Variants in ZFHX3 observed in about 807,000 individuals in gnomAD.
ZFHX3 encodes zinc finger homeobox 3.
Under a neutral mutation model 279.1 loss-of-function variants are expected in ZFHX3, and 42 were observed. That is an observed-to-expected ratio of 0.15 (90% CI 0.12 to 0.19). The LOEUF is 0.19. Ranked by LOEUF, ZFHX3 falls within the 10% of genes least tolerant of loss-of-function variation. The probability of loss-of-function intolerance (pLI) is 1.00; values close to 1 mark genes in which losing one functional copy is unlikely to be tolerated. For missense variants in ZFHX3, 4,981 were observed against 4,754.0 expected (o/e 1.05, Z -1.40); for synonymous variants, 2,293 against 1,957.8 (o/e 1.17, Z -4.52).
chr16:73,736,849 G>A (rs895487445), intron 1 of ZFHX3, among the ~76,000 whole-genome samples: 1 of 152,198 alleles, frequency 6.6e-6, no homozygotes, highest in African/African-American at 2.4e-5. Flanking sequence ...TAGAGGTCTT[G>A]AAGAATAATG....
intron 2 of ZFHX3, among the ~76,000 whole-genome samples, chr16:73,642,720 G>C (rs2052584869): frequency 2.0e-5 from 3 of 152,110 alleles, no homozygotes; most frequent in Admixed American, 2.0e-4. Context: ...AGGTACCCTA[G>C]AACAGTACAG....
At chr16:73,759,734 A>G (rs1359676258) in intron 1 of ZFHX3, among the ~76,000 whole-genome samples, 1 of 152,144 alleles carries the variant, frequency 6.6e-6, no homozygotes, top group Admixed American at 6.5e-5. Flanking sequence ...TTTGGTTTCC[A>G]GTATTATGGG....
At chr16:72,855,048 T>C (rs2037721681) in intron 4 of ZFHX3, among the ~76,000 whole-genome samples, 1 of 151,948 alleles carries the variant, frequency 6.6e-6, no homozygotes, top group African/African-American at 2.4e-5. Context: ...TACGCAGAGA[T>C]AAATACGTTC....
At chr16:73,516,100 C>A (rs909019599) in intron 2 of ZFHX3, among the ~76,000 whole-genome samples, 2 of 152,180 alleles carry the variant, frequency 1.3e-5, no homozygotes, top group East Asian at 1.9e-4. Flanking sequence ...CCCATGGGTT[C>A]TTTTAAGAAT....
chr16:73,270,533 A>T (rs2014113031), intron 4 of ZFHX3, among the ~76,000 whole-genome samples: 1 of 152,174 alleles, frequency 6.6e-6, no homozygotes. Context: ...TAAATATTTG[A>T]TGATTGACTG....
intron 5 of ZFHX3, among the ~76,000 whole-genome samples, chr16:73,185,034 G>C (rs1967880917): frequency 6.6e-6 from 1 of 150,718 alleles, no homozygotes; most frequent in South Asian, 2.1e-4. Flanking sequence ...CTGGAGTGTA[G>C]TGCTATCATC....
rs750881472 is a variant in ZFHX3, at chr16:72,795,191, C to T, written c.7491G>A (p.Ser2497=). 1.6e-5 allele frequency: 26 copies of T among 1,602,524 alleles called. No homozygotes were observed. In the African/African-American group the frequency reaches 2.2e-4, roughly 13 times the overall value. Residue 2497 remains serine (S), a synonymous_variant, in exon 9 of 10, where the codon TCG becomes TCA. Coordinates refer to ENST00000268489, the MANE Select transcript of ZFHX3 (RefSeq NM_006885.4). ...GGGAGAGCTGGGAAGGACTGGGGCT[C>T]GACTGGGGTAAGGGGCACTGTGGAG... The part of the protein sequence containing the change: ...APPPQCPLPQ[S]SPSPSQLSHL...
intron 1 of ZFHX3, among the ~76,000 whole-genome samples, chr16:73,031,529 A>C (rs1028587310): frequency 2.6e-5 from 4 of 152,216 alleles, no homozygotes; most frequent in African/African-American, 4.8e-5. Flanking sequence ...CTCATACAAC[A>C]AATTTCTGCT....
At chr16:73,223,609 G>A (rs1467641648) in intron 5 of ZFHX3, among the ~76,000 whole-genome samples, 3 of 152,190 alleles carry the variant, frequency 2.0e-5, no homozygotes, top group African/African-American at 7.2e-5. Context: ...TGATGGGAAT[G>A]TAAAATTGTG....
chr16:73,005,541 C>T (rs1010926141), intron 1 of ZFHX3: 1 of 149,264 alleles, frequency 6.7e-6, no homozygotes, highest in Non-Finnish European at 1.5e-5. Context: ...CGCCTGTAAT[C>T]CCAGCACTTT....
At chr16:73,613,872 G>A (rs1027966495) in intron 2 of ZFHX3, among the ~76,000 whole-genome samples, 1 of 152,144 alleles carries the variant, frequency 6.6e-6, no homozygotes, top group Admixed American at 6.5e-5. Flanking sequence ...GGGGGAGGGC[G>A]CGGTCACAGC....
chr16:73,627,454 G>A (rs1021385023), intron 2 of ZFHX3, among the ~76,000 whole-genome samples: 3 of 152,214 alleles, frequency 2.0e-5, no homozygotes, highest in Non-Finnish European at 4.4e-5. Flanking sequence ...ACAGAGACAG[G>A]AACAGCTCAA....
chr16:73,604,455 T>C (rs1292028839), intron 2 of ZFHX3, among the ~76,000 whole-genome samples: 2 of 152,092 alleles, frequency 1.3e-5, no homozygotes, highest in African/African-American at 2.4e-5. Context: ...CATGTTAAAA[T>C]GTCCCATGGG....
At chr16:73,264,171 GA>G (rs2013901836) in intron 4 of ZFHX3, among the ~76,000 whole-genome samples, 1 of 152,110 alleles carries the variant, frequency 6.6e-6, no homozygotes, top group Non-Finnish European at 1.5e-5. Context: ...TATCTGCGGG[GA>G]AAAAAGGGCC....
intron 5 of ZFHX3, among the ~76,000 whole-genome samples, chr16:72,818,780 G>A (rs1015615558): frequency 2.0e-5 from 3 of 152,180 alleles, no homozygotes; most frequent in African/African-American, 7.2e-5. Context: ...CTTATTCTAA[G>A]GAAATGCAAG....
intron 1 of ZFHX3, among the ~76,000 whole-genome samples, chr16:73,879,466 C>T (rs567225567): frequency 8.5e-5 from 13 of 152,100 alleles, no homozygotes; most frequent in South Asian, 6.2e-4. Context: ...CTCATTTGCA[C>T]GCTTCCCTTT....
intron 4 of ZFHX3, among the ~76,000 whole-genome samples, chr16:72,854,165 C>A (rs1567548749): frequency 6.6e-6 from 1 of 152,174 alleles, no homozygotes; most frequent in East Asian, 1.9e-4. Context: ...GTTTTCTATG[C>A]CATAAAGATA....
At chr16:73,419,669 G>C (rs1378530643) in intron 3 of ZFHX3, among the ~76,000 whole-genome samples, 2 of 151,784 alleles carry the variant, frequency 1.3e-5, no homozygotes, top group African/African-American at 4.8e-5. Flanking sequence ...GACTTGAACT[G>C]CTGAGCTCAA....
rs551723999 is a variant in ZFHX3 at position 72,906,594 on chromosome 16, C to T, written c.3217-16632G>A. 1.1e-4 allele frequency among the ~76,000 whole-genome samples: 17 copies of T among 152,126 alleles called. No individual in the cohort carries two copies. In the South Asian group the frequency reaches 3.1e-3, roughly 28 times the overall value. On this transcript the variant is annotated intron_variant, in intron 3 of 9. Transcript: ENST00000268489. ...GGCGGATCACCTGAGGTCAGGAGTT[C>T]GAGACCAGCCTGGCCAACATGGTAA...
Sources: gnomAD v4.1 joint callset for allele counts (sites outside exome capture counted in the v4.1 genomes callset) on GRCh38, gnomAD v4.1.1 for gene constraint, MANE v1.5 for transcripts, NCBI Gene and HGNC (gene_info 2026-07-23, HGNC 2026-07-21) for gene names.